DLG2: variants seen among roughly 807,000 people sequenced by gnomAD.
DLG2 encodes the protein disks large homolog 2.
Under a neutral mutation model 132.5 loss-of-function variants are expected in DLG2, and 45 were observed. The observed-to-expected ratio is 0.34, with a 90% confidence interval of 0.27 to 0.44. The LOEUF (loss-of-function observed/expected upper bound fraction) is 0.44. Ranked by LOEUF, DLG2 falls within the 20% of genes least tolerant of loss-of-function variation. The pLI, the probability that DLG2 is intolerant of heterozygous loss-of-function variation, is 1.00. For synonymous variants in DLG2, 424 were observed against 419.6 expected, an observed-to-expected ratio of 1.01 and a Z score of -0.13; for missense variants, 1,045 against 1,196.9, an observed-to-expected ratio of 0.87 and a Z score of 1.87.
intron 9 of DLG2, among the ~76,000 whole-genome samples, chr11:84,157,540 G>A (rs916902606): frequency 6.6e-6 from 1 of 152,098 alleles, no homozygotes; most frequent in Admixed American, 6.5e-5. Flanking sequence ...AAATGATCCT[G>A]CTGCCTCAGC....
chr11:84,685,896 C>T (rs1259312110), intron 6 of DLG2, among the ~76,000 whole-genome samples: 2 of 152,112 alleles, frequency 1.3e-5, no homozygotes, highest in Admixed American at 6.5e-5. Context: ...ACCGTATTAG[C>T]CAAGATGGTC....
At chr11:84,579,696 A>G (rs7121875) in intron 6 of DLG2, among the ~76,000 whole-genome samples, 78,070 of 152,068 alleles carry the variant, frequency 0.51, 21,577 homozygotes, top group African/African-American at 0.72. Context: ...TGAGGAGTTT[A>G]GAGTACATCA....
At chr11:84,833,685 A>C (rs1416001727) in intron 6 of DLG2, among the ~76,000 whole-genome samples, 1 of 151,450 alleles carries the variant, frequency 6.6e-6, no homozygotes, top group Non-Finnish European at 1.5e-5. Flanking sequence ...TTCTTACCTT[A>C]GTGGGTTGTT....
chr11:85,251,871 T>G (rs1422621704), intron 4 of DLG2, among the ~76,000 whole-genome samples: 10 of 152,208 alleles, frequency 6.6e-5, no homozygotes, highest in African/African-American at 2.2e-4. Flanking sequence ...ATTTTTGAAC[T>G]CTAAATAAAT....
At chr11:84,292,974 T>G (rs2098027265) in intron 7 of DLG2, among the ~76,000 whole-genome samples, 1 of 152,154 alleles carries the variant, frequency 6.6e-6, no homozygotes, top group Admixed American at 6.5e-5. Flanking sequence ...AAATATGTAT[T>G]GGGCAGACAG....
rs1227140689 is a variant in DLG2, at chr11:84,844,135, G to GTGTA, written c.357+267525_357+267526insTACA. 1.3e-3 allele frequency among the ~76,000 whole-genome samples: 55 copies of GTGTA among 43,688 alleles called. No homozygotes were observed. In the East Asian group the frequency reaches 0.014, roughly 11 times the overall value. The allele number at this position is 43,688 out of a possible 152,430, so 28.7% of individuals were successfully genotyped here. On this transcript the variant is annotated intron_variant, in intron 6 of 27. Transcript: ENST00000376104. Reference sequence around the variant, plus strand: ...TGTGTGTGTGTGTGTGTGTGTGTGTGTATATATATATATATATATATATAT... The same window carrying GTGTA: ...TGTGTGTGTGTGTGTGTGTGTGTGTGTGTATATATATATATATATATATATATAT...
chr11:85,551,594 C>T (rs2076669397), intron 3 of DLG2, among the ~76,000 whole-genome samples: 1 of 151,756 alleles, frequency 6.6e-6, no homozygotes, highest in South Asian at 2.1e-4. Flanking sequence ...ATTACAAAAA[C>T]ATTGACATTC....
chr11:84,571,529 G>A (rs964979562), intron 6 of DLG2, among the ~76,000 whole-genome samples: 1 of 151,972 alleles, frequency 6.6e-6, no homozygotes, highest in Non-Finnish European at 1.5e-5. Flanking sequence ...TCTTCTTGGT[G>A]TTTTGACATG....
intron 6 of DLG2, among the ~76,000 whole-genome samples, chr11:84,966,717 A>T (rs1268367953): frequency 6.6e-6 from 1 of 152,144 alleles, no homozygotes. Flanking sequence ...GTCTTTCCGA[A>T]GATTTATGTG....
intron 4 of DLG2, among the ~76,000 whole-genome samples, chr11:85,159,685 C>A (rs576833301): frequency 6.6e-6 from 1 of 152,308 alleles, no homozygotes; most frequent in African/African-American, 2.4e-5. Context: ...ACTCCTGGTA[C>A]CTGCTATGCA....
chr11:83,506,030 C>T (rs1486667746), intron 21 of DLG2, among the ~76,000 whole-genome samples: 2 of 152,158 alleles, frequency 1.3e-5, no homozygotes, highest in Non-Finnish European at 2.9e-5. Flanking sequence ...CATGTATATA[C>T]CACTTCCATT....
At chr11:84,937,471 T>C (rs967972156) in intron 6 of DLG2, among the ~76,000 whole-genome samples, 2 of 151,548 alleles carry the variant, frequency 1.3e-5, no homozygotes, top group Non-Finnish European at 2.9e-5. Context: ...ATAAAAGATA[T>C]ATAAGTCAAC....
intron 8 of DLG2, among the ~76,000 whole-genome samples, chr11:84,244,510 G>C (rs758959490): frequency 1.3e-5 from 2 of 152,198 alleles, no homozygotes; most frequent in African/African-American, 4.8e-5. Context: ...AAGCAGTTAA[G>C]AGTAGGGATT....
chr11:83,756,354 T>C (rs527384468), intron 18 of DLG2, among the ~76,000 whole-genome samples: 1 of 151,618 alleles, frequency 6.6e-6, no homozygotes, highest in Admixed American at 6.5e-5. Flanking sequence ...TTGGTAAAGA[T>C]ATAAGATTGC....
chr11:84,930,419 A>T (rs2047950605), intron 6 of DLG2, among the ~76,000 whole-genome samples: 1 of 152,102 alleles, frequency 6.6e-6, no homozygotes, highest in African/African-American at 2.4e-5. Flanking sequence ...GCTGGAAAAA[A>T]ATTAATGAAA....
chr11:85,599,491 A>G (rs1045904880), intron 2 of DLG2, among the ~76,000 whole-genome samples: 6 of 151,194 alleles, frequency 4.0e-5, no homozygotes, highest in African/African-American at 1.5e-4. Context: ...GGTTCTTGTC[A>G]GGCAAATCTA....
Position 84,032,114 on chromosome 11 carries a change from G to A in DLG2, c.919+27201C>T, listed in dbSNP as rs768912791. ...GGCTTACCCTATTCCCCAAGACCCC[G>A]AGGCTAAATAATAACCCTTAAATGG... On this transcript the variant is annotated intron_variant, in intron 11 of 27. Coordinates refer to ENST00000376104, the MANE Select transcript of DLG2 (RefSeq NM_001142699.3). Among the ~76,000 whole-genome samples, 12 of 152,072 alleles carry A rather than the reference G, an allele frequency of 7.9e-5. No homozygotes were observed. The East Asian group carries it at 1.9e-3, about 24-fold the overall frequency.
At chr11:85,365,646 C>A (rs555076301) in intron 3 of DLG2, among the ~76,000 whole-genome samples, 2 of 152,114 alleles carry the variant, frequency 1.3e-5, no homozygotes, top group South Asian at 4.1e-4. Context: ...ATGTTTATTG[C>A]AGCACTATTC....
rs1377586485 is a variant in DLG2, at chr11:83,872,250, G to A, written c.1565+2170C>T. Reference sequence around the variant, plus strand: ...TTCACTTCAATCTGGGTGACAGAGCGAGACTCCATCTCAAACAAATTGGCG... The same window carrying A: ...TTCACTTCAATCTGGGTGACAGAGCAAGACTCCATCTCAAACAAATTGGCG... On this transcript the variant is annotated intron_variant, in intron 16 of 27. Transcript: ENST00000376104. Among the ~76,000 whole-genome samples, 7 of 152,198 alleles carry A rather than the reference G, an allele frequency of 4.6e-5. No homozygotes were observed. The South Asian group carries it at 8.3e-4, about 18-fold the overall frequency.
Sources: gnomAD v4.1 joint callset for allele counts (sites outside exome capture counted in the v4.1 genomes callset) on GRCh38, gnomAD v4.1.1 for gene constraint, MANE v1.5 for transcripts, NCBI Gene and HGNC (gene_info 2026-07-23, HGNC 2026-07-21) for gene names.